The following THAP2 variants were observed in gnomAD, a reference collection of about 807,000 sequenced individuals.
The protein encoded by THAP2 is THAP domain-containing protein 2.
THAP2 carries 16 observed loss-of-function variants against 18.8 expected under a neutral mutation model. The observed-to-expected ratio is 0.85, with a 90% CI of 0.58 to 1.29. The LOEUF is 1.29. Among genes scored for constraint, THAP2 ranks in the 50% most tolerant of loss-of-function variants. THAP2 has a pLI of 0.00. For missense variants in THAP2, 251 were observed against 265.3 expected (o/e 0.95, Z 0.38); for synonymous variants, 80 against 89.2 (o/e 0.90, Z 0.58).
chr12:71,674,378 T>C lies in THAP2; in HGVS notation c.247T>C (p.Cys83Arg). The C allele has an allele frequency of 6.2e-7, 1 of 1,610,630 alleles. No homozygotes were observed. The highest frequency in any genetic ancestry group is 1.3e-5 in the African/African-American group (1 of 74,914). ...TGCTGTTCCAACCATTTTTGATTTT[T>C]GTACCCATATAAAGTCTATGGTAGG... Reference protein sequence around the residue: ...MDAVPTIFDFCTHIKSMKLKS... With the variant: ...MDAVPTIFDFRTHIKSMKLKS... Residue 83 changes from cysteine to arginine, a missense_variant, in exon 2 of 3, where the codon TGT becomes CGT. By Grantham distance (180) the Cys-to-Arg change is radical (BLOSUM62 -3). Transcript: ENST00000308086.
intron 1 of THAP2, among the ~76,000 whole-genome samples, chr12:71,670,799 C>T (rs1387336851): frequency 6.6e-6 from 1 of 151,430 alleles, no homozygotes; most frequent in East Asian, 1.9e-4. Context: ...ATTAAGCGTG[C>T]GTGGTGGCAG....
rs923702449 is a variant in THAP2, at chr12:71,678,254, G to A, written c.*1146G>A. On this transcript the variant is annotated 3_prime_UTR_variant, in exon 3 of 3. Transcript: ENST00000308086. Reference sequence around the variant, plus strand: ...AGGCTATAGTGAGCTGTGATTGCACGACTGCACTCCAGCCTGGGCAATGGA... The same window carrying A: ...AGGCTATAGTGAGCTGTGATTGCACAACTGCACTCCAGCCTGGGCAATGGA... 2 of 152,532 alleles carry A rather than the reference G, an allele frequency of 1.3e-5. No individual in the cohort carries two copies. Among genetic ancestry groups the A allele is most frequent in the African/African-American group, 2.4e-5 (1 of 41,514 alleles). The allele number at this position is 152,532 out of a possible 1,614,324, so 9.4% of individuals were successfully genotyped here.
chr12:71,677,181 C>A lies in THAP2; in HGVS notation c.*73C>A, dbSNP rs1047328757. The A allele has an allele frequency of 1.7e-5, 22 of 1,294,432 alleles. No individual in the cohort carries two copies. The highest frequency in any genetic ancestry group is 2.2e-5 in the Non-Finnish European group (22 of 984,928). The allele number at this position is 1,294,432 out of a possible 1,614,324, so 80.2% of individuals were successfully genotyped here. A position where few individuals can be genotyped will look rare whatever the true frequency, so the allele number is the denominator to read the frequency against. ...GTAAAGATAATTATGGCACTTATGC[C>A]AAAATTCATTATTTAATAAAGTTTT... On this transcript the variant is annotated 3_prime_UTR_variant, in exon 3 of 3. Transcript: ENST00000308086.
rs752100206 is a variant in THAP2, at chr12:71,674,195, T to C, written c.72-8T>C. 6.4e-7 allele frequency: 1 copy of C among 1,558,640 alleles called. No homozygotes were observed. Among genetic ancestry groups the C allele is most frequent in the Non-Finnish European group, 8.6e-7 (1 of 1,156,216 alleles). On this transcript the variant is annotated splice_polypyrimidine_tract_variant and splice_region_variant and intron_variant, in intron 1 of 2. Transcript: ENST00000308086. ...TTGGAATTTGAGTTGCATTTTTTTTTTTTTAAGGTTTCCTTTGGATCCTAA... is the reference window on the plus strand; with the variant it reads ...TTGGAATTTGAGTTGCATTTTTTTTCTTTTAAGGTTTCCTTTGGATCCTAA...
intron 1 of THAP2, among the ~76,000 whole-genome samples, chr12:71,673,557 A>G (rs763703012): frequency 1.6e-4 from 24 of 152,194 alleles, no homozygotes; most frequent in Non-Finnish European, 2.5e-4. Flanking sequence ...TACATACAGT[A>G]TATTATTACT....
intron 1 of THAP2, 44 bp from the exon 2 acceptor site, chr12:71,674,159 A>G (rs1284182063): frequency 6.6e-7 from 1 of 1,521,494 alleles, no homozygotes; most frequent in South Asian, 1.3e-5. Flanking sequence ...GTGCAGCCAG[A>G]ATTATGATAG....
At chr12:71,665,123 T>TA in intron 1 of THAP2, 1 of 577,314 alleles carries the variant, frequency 1.7e-6, no homozygotes, top group Non-Finnish European at 3.1e-6. Context: ...AATAGAGTAA[T>TA]AAAAAGAACC....
Position 71,664,367 on chromosome 12 carries a change from C to T in THAP2, c.-143C>T. ...CTTCGCCTCCGCCCCCACATACACA[C>T]CCCTTCTTCCCACTCCGCTCTCACG... On this transcript the variant is annotated 5_prime_UTR_variant, in exon 1 of 3. Coordinates refer to ENST00000308086, the MANE Select transcript of THAP2 (RefSeq NM_031435.4). The T allele has an allele frequency of 1.1e-6, 1 of 934,256 alleles. No homozygotes were observed. Among genetic ancestry groups the T allele is most frequent in the Non-Finnish European group, 1.7e-6 (1 of 592,982 alleles). 57.9% of individuals were successfully genotyped at this position (934,256 alleles called of 1,614,324 possible). A position where few individuals can be genotyped will look rare whatever the true frequency, so the allele number is the denominator to read the frequency against.
At chr12:71,674,956 A>T (rs1881499424) in intron 2 of THAP2, among the ~76,000 whole-genome samples, 2 of 152,044 alleles carry the variant, frequency 1.3e-5, no homozygotes, top group Non-Finnish European at 1.5e-5. Flanking sequence ...AGGAAATGTT[A>T]GCAAGTGATA....
At chr12:71,668,685 A>C (rs1881384045) in intron 1 of THAP2, among the ~76,000 whole-genome samples, 1 of 152,212 alleles carries the variant, frequency 6.6e-6, no homozygotes, top group African/African-American at 2.4e-5. Context: ...TGCCTAGGAC[A>C]GTGCTTGGAA....
At chr12:71,664,649 G>A (rs1881296536) in intron 1 of THAP2, 69 bp downstream of exon 1, 2 of 1,551,762 alleles carry the variant, frequency 1.3e-6, no homozygotes, top group Non-Finnish European at 1.8e-6. Flanking sequence ...TGTGTGGAAG[G>A]AACAGGAGGA....
At position 71,678,825 on chromosome 12, in the gene THAP2, G is replaced by A. The variant is rs1401690524; in HGVS notation, c.*1717G>A. ...GAATGCCCATGAGGTATTTAAAACA[G>A]ATATTTATGAAAATCTTTTTGTGAA... On this transcript the variant is annotated 3_prime_UTR_variant, in exon 3 of 3. Coordinates refer to ENST00000308086, the MANE Select transcript of THAP2 (RefSeq NM_031435.4). 6.6e-5 allele frequency: 10 copies of A among 152,138 alleles called. No homozygotes were observed. The highest frequency in any genetic ancestry group is 1.5e-5 in the Non-Finnish European group (1 of 68,002). 9.4% of individuals were successfully genotyped at this position (152,138 alleles called of 1,614,324 possible). A position where few individuals can be genotyped will look rare whatever the true frequency, so the allele number is the denominator to read the frequency against.
chr12:71,669,556 T>G (rs1273861283), intron 1 of THAP2, among the ~76,000 whole-genome samples: 2 of 152,176 alleles, frequency 1.3e-5, no homozygotes, highest in Non-Finnish European at 2.9e-5. Context: ...ATTTTTAGCT[T>G]AGCCTTTAGG....
At chr12:71,669,220 G>A (rs990803938) in intron 1 of THAP2, among the ~76,000 whole-genome samples, 1 of 152,152 alleles carries the variant, frequency 6.6e-6, no homozygotes, top group Admixed American at 6.5e-5. Context: ...GGGAAAGATA[G>A]AAAAGTAAAC....
chr12:71,679,963 CAT>C lies in THAP2; in HGVS notation c.*2857_*2858del, dbSNP rs1565845386. 1 of 152,096 alleles carries C rather than the reference CAT, an allele frequency of 6.6e-6. No individual in the cohort carries two copies. The highest frequency in any genetic ancestry group is 6.6e-5 in the Admixed American group (1 of 15,260). 9.4% of individuals were successfully genotyped at this position (152,096 alleles called of 1,614,324 possible). A position where few individuals can be genotyped will look rare whatever the true frequency, so the allele number is the denominator to read the frequency against. On this transcript the variant is annotated 3_prime_UTR_variant, in exon 3 of 3. Transcript: ENST00000308086. Reference sequence around the variant, plus strand: ...AATGGTATCTTTGTTAAAAGGAAAACATAGCTATAAATAAAATACTACATCGA... The same window carrying C: ...AATGGTATCTTTGTTAAAAGGAAAACAGCTATAAATAAAATACTACATCGA...
At chr12:71,676,296 G>C (rs184427354) in intron 2 of THAP2, among the ~76,000 whole-genome samples, 5 of 151,992 alleles carry the variant, frequency 3.3e-5, no homozygotes, top group Non-Finnish European at 5.9e-5. Flanking sequence ...TTGAGAAAAG[G>C]GTATTTAATT....
Position 71,677,225 on chromosome 12 carries a change from G to C in THAP2, c.*117G>C. On this transcript the variant is annotated 3_prime_UTR_variant, in exon 3 of 3. Coordinates refer to ENST00000308086, the MANE Select transcript of THAP2 (RefSeq NM_031435.4). The stretch of plus-strand genomic sequence containing the variant: ...AAGTTTTACTTGAAGTAACATTACT[G>C]AATTTGTGAAGACTTGATTACAAAA... 1 of 971,696 alleles carries C rather than the reference G, an allele frequency of 1.0e-6. No individual in the cohort carries two copies. Among genetic ancestry groups the C allele is most frequent in the Non-Finnish European group, 1.4e-6 (1 of 724,082 alleles). The allele number at this position is 971,696 out of a possible 1,614,324, so 60.2% of individuals were successfully genotyped here.
intron 1 of THAP2, among the ~76,000 whole-genome samples, chr12:71,669,502 G>A (rs17110150): frequency 0.087 from 13,190 of 152,148 alleles, 1,041 homozygotes; most frequent in East Asian, 0.44. Flanking sequence ...CTTATTCTGA[G>A]TCTCTATTGA....
At chr12:71,664,812 G>A in intron 1 of THAP2, 1 of 705,340 alleles carries the variant, frequency 1.4e-6, no homozygotes, top group South Asian at 1.5e-5. Flanking sequence ...TTACCCCTTA[G>A]TAAAAAAAAG....
Sources: allele counts gnomAD v4.1 joint callset (sites outside exome capture counted in the v4.1 genomes callset), GRCh38; gene constraint gnomAD v4.1.1; transcripts MANE v1.5; gene names NCBI Gene and HGNC (gene_info 2026-07-23, HGNC 2026-07-21).